Variants in MPPED1 observed in about 807,000 individuals in gnomAD.
MPPED1 encodes the protein metallophosphoesterase domain-containing protein 1.
A neutral mutation model predicts 36.2 loss-of-function variants in MPPED1; 16 were observed. The ratio of observed to expected loss-of-function variants is 0.44; its 90% CI spans 0.30 to 0.67. The LOEUF is 0.67. MPPED1 is among the 30% of genes least tolerant of loss of function. The pLI, the probability that MPPED1 is intolerant of heterozygous loss-of-function variation, is 0.10. For synonymous variants in MPPED1, 199 were observed against 191.3 expected, an observed-to-expected ratio of 1.04 and a Z score of -0.33; for missense variants, 307 against 453.4, an observed-to-expected ratio of 0.68 and a Z score of 2.93.
intron 4 of MPPED1, among the ~76,000 whole-genome samples, chr22:43,485,694 G>C (rs1040765934): frequency 6.6e-6 from 1 of 152,216 alleles, no homozygotes; most frequent in Non-Finnish European, 1.5e-5. Context: ...CTCCACATGA[G>C]ATTAATGTTT....
At chr22:43,504,495 G>A (rs1266350650) in intron 6 of MPPED1, among the ~76,000 whole-genome samples, 1 of 151,336 alleles carries the variant, frequency 6.6e-6, no homozygotes, top group African/African-American at 2.4e-5. Context: ...GATGAATGAT[G>A]GTGGTGGTGG....
In MPPED1 at chr22:43,474,704, T is replaced by A. The variant is rs1184590418; in HGVS notation, c.407-32T>A. 2 of 1,608,424 alleles carry A rather than the reference T, an allele frequency of 1.2e-6. No homozygotes were observed. The highest frequency in any genetic ancestry group is 2.2e-5 in the South Asian group (2 of 90,948). On this transcript the variant is annotated intron_variant, in intron 3 of 6. Transcript: ENST00000443721. The surrounding 1 kb of genome is among the most constrained non-coding windows in gnomAD (Gnocchi z 5.2). ...GCTTCTGGACAAGCTGACGGCTGTG[T>A]GCTGTGTGTCTGTCTGTGTCCACCC...
intron 3 of MPPED1, among the ~76,000 whole-genome samples, chr22:43,458,345 T>A (rs1930826565): frequency 6.6e-6 from 1 of 151,824 alleles, no homozygotes; most frequent in South Asian, 2.1e-4. Flanking sequence ...GAGTGCAGTG[T>A]TGTGATCTCG....
intron 2 of MPPED1, among the ~76,000 whole-genome samples, chr22:43,427,913 A>G (rs890354482): frequency 1.3e-5 from 2 of 152,130 alleles, no homozygotes; most frequent in Non-Finnish European, 2.9e-5. Context: ...AGCACCTCCA[A>G]GGGGTGAAAA....
intron 4 of MPPED1, among the ~76,000 whole-genome samples, chr22:43,491,430 G>A (rs1932078964): frequency 6.6e-6 from 1 of 151,882 alleles, no homozygotes; most frequent in African/African-American, 2.4e-5. Flanking sequence ...GGAGATGATG[G>A]TGGTGATAGT....
rs529152648 is a variant in MPPED1 at position 43,467,389 on chromosome 22, G to T, written c.407-7347G>T. Among the ~76,000 whole-genome samples the T allele has an allele frequency of 1.3e-4, 20 of 152,324 alleles. 1 individual carries two copies. Among genetic ancestry groups the T allele is most frequent in the African/African-American group, 4.6e-4 (19 of 41,584 alleles). ...CCCCTGAACTCAGCCTTGGCTGTTG[G>T]CCCAGACATCTGACTCCAGAACTCT... On this transcript the variant is annotated intron_variant, in intron 3 of 6. Transcript: ENST00000443721.
intron 3 of MPPED1, among the ~76,000 whole-genome samples, chr22:43,471,568 A>C (rs1931377962): frequency 6.6e-6 from 1 of 152,170 alleles, no homozygotes; most frequent in South Asian, 2.1e-4. Flanking sequence ...GGGAAATGAG[A>C]TCTCAGCTCT....
At chr22:43,457,270 C>G (rs538691302) in intron 3 of MPPED1, among the ~76,000 whole-genome samples, 2 of 152,260 alleles carry the variant, frequency 1.3e-5, no homozygotes, top group African/African-American at 4.8e-5. Flanking sequence ...TTCCTTTTCT[C>G]TAGTAACAAT....
chr22:43,446,292 C>G (rs973240142), intron 3 of MPPED1, among the ~76,000 whole-genome samples: 1 of 152,330 alleles, frequency 6.6e-6, no homozygotes, highest in African/African-American at 2.4e-5. Flanking sequence ...ATTTTCTGCA[C>G]TGGGCGTGAT....
At chr22:43,501,058 C>T (rs1249457604) in intron 5 of MPPED1, among the ~76,000 whole-genome samples, 1 of 152,140 alleles carries the variant, frequency 6.6e-6, no homozygotes, top group Non-Finnish European at 1.5e-5. Context: ...CAGTGCGCCA[C>T]GGCCCCTCTG....
intron 3 of MPPED1, among the ~76,000 whole-genome samples, chr22:43,453,134 T>C (rs1320929335): frequency 6.6e-6 from 1 of 152,036 alleles, no homozygotes; most frequent in African/African-American, 2.4e-5. Context: ...TATTTTTTAA[T>C]AGAGACGGGG....
intron 3 of MPPED1, among the ~76,000 whole-genome samples, chr22:43,465,085 G>A (rs1046511384): frequency 3.9e-5 from 6 of 152,208 alleles, no homozygotes; most frequent in African/African-American, 1.2e-4. Context: ...TTTATGTCAC[G>A]TCTTCATGGA....
chr22:43,444,364 CTTTTTTT>C (rs11307353), intron 3 of MPPED1, among the ~76,000 whole-genome samples: 5 of 89,370 alleles, frequency 5.6e-5, no homozygotes, highest in Non-Finnish European at 8.9e-5. Context: ...TTCTATCTAT[CTTTTTTT>C]TTTTTTTTTT....
intron 4 of MPPED1, among the ~76,000 whole-genome samples, chr22:43,482,275 C>G (rs1931774068): frequency 1.3e-5 from 2 of 152,126 alleles, no homozygotes; most frequent in Non-Finnish European, 2.9e-5. Flanking sequence ...GGTCTAATTA[C>G]TTCTGGTATT....
chr22:43,455,775 C>A (rs1052363791), intron 3 of MPPED1, among the ~76,000 whole-genome samples: 1 of 152,164 alleles, frequency 6.6e-6, no homozygotes, highest in Non-Finnish European at 1.5e-5. Context: ...GATAATGTGC[C>A]CTTTCCTCCA....
chr22:43,494,943 CCT>C (rs1320500959), intron 4 of MPPED1, among the ~76,000 whole-genome samples: 2 of 152,164 alleles, frequency 1.3e-5, no homozygotes, highest in Non-Finnish European at 2.9e-5. Flanking sequence ...ATCTCTCATG[CCT>C]CTCCTTATAA....
chr22:43,478,461 C>A (rs1931645234), intron 4 of MPPED1, among the ~76,000 whole-genome samples: 1 of 152,120 alleles, frequency 6.6e-6, no homozygotes, highest in African/African-American at 2.4e-5. Context: ...ATTCCATCAT[C>A]AATAAGAGCC....
At chr22:43,497,247 C>A (rs975814933) in intron 4 of MPPED1, among the ~76,000 whole-genome samples, 3 of 151,870 alleles carry the variant, frequency 2.0e-5, no homozygotes. Flanking sequence ...ACTTTATTGA[C>A]ATAAAGGGCC....
chr22:43,486,204 C>T (rs1229218978), intron 4 of MPPED1, among the ~76,000 whole-genome samples: 1 of 152,250 alleles, frequency 6.6e-6, no homozygotes, highest in Non-Finnish European at 1.5e-5. Flanking sequence ...TCTGACATCT[C>T]TGAGCCTCAG....
Sources: gnomAD v4.1 joint callset for allele counts (sites outside exome capture counted in the v4.1 genomes callset) on GRCh38, gnomAD v4.1.1 for gene constraint, Gnocchi (gnomAD v3.1) non-coding constraint, MANE v1.5 for transcripts, NCBI Gene and HGNC (gene_info 2026-07-23, HGNC 2026-07-21) for gene names.